KIAA0825: variants seen among roughly 807,000 people sequenced by gnomAD.
KIAA0825 encodes KIAA0825, also known as uncharacterized protein KIAA0825.
A neutral mutation model predicts 147.6 loss-of-function variants in KIAA0825; 119 were observed. That is an observed-to-expected ratio of 0.81 (90% CI 0.69 to 0.94). KIAA0825 has a LOEUF of 0.94. KIAA0825 is among the 40% of genes least tolerant of loss of function. The pLI is 0.00. For missense variants in KIAA0825, 1,381 were observed against 1,472.7 expected (o/e 0.94, Z 1.02); for synonymous variants, 470 against 518.1 (o/e 0.91, Z 1.26).
chr5:94,572,205 G>A (rs975822867), intron 2 of KIAA0825, among the ~76,000 whole-genome samples: 8 of 152,096 alleles, frequency 5.3e-5, no homozygotes, highest in Admixed American at 1.3e-4. Flanking sequence ...ACCAGGGCAC[G>A]GGCACATCAA....
intron 20 of KIAA0825, among the ~76,000 whole-genome samples, chr5:94,237,407 G>A (rs1369591081): frequency 6.6e-6 from 1 of 152,144 alleles, no homozygotes; most frequent in African/African-American, 2.4e-5. Flanking sequence ...GGCAAAGGGG[G>A]AACAACTACA....
intron 3 of KIAA0825, among the ~76,000 whole-genome samples, chr5:94,531,824 A>T (rs1770857145): frequency 6.6e-6 from 1 of 152,212 alleles, no homozygotes; most frequent in South Asian, 2.1e-4. Context: ...CTTATTATTA[A>T]ATAAGTGCCA....
rs1200159422 is a variant in KIAA0825 at position 94,151,445 on chromosome 5, A to C, written c.*2562T>G. 7.9e-5 allele frequency among the ~76,000 whole-genome samples: 12 copies of C among 151,366 alleles called. No individual in the cohort carries two copies. Among genetic ancestry groups the C allele is most frequent in the Admixed American group, 6.6e-5 (1 of 15,228 alleles). ...TCTCAAAAAAAAAAAAAAAAAAAAA[A>C]AAAAAACATATTGAGTATAAAGTCA... On this transcript the variant is annotated 3_prime_UTR_variant, in exon 21 of 21. Coordinates refer to ENST00000682413, the MANE Select transcript of KIAA0825 (RefSeq NM_001145678.3).
chr5:94,214,248 G>A (rs1442931112), intron 20 of KIAA0825, among the ~76,000 whole-genome samples: 1 of 152,064 alleles, frequency 6.6e-6, no homozygotes, highest in African/African-American at 2.4e-5. Flanking sequence ...TGCAATTAGT[G>A]TGCTGCATGG....
chr5:94,416,029 T>G (rs1296254505), intron 15 of KIAA0825: 1 of 152,144 alleles, frequency 6.6e-6, no homozygotes, highest in Non-Finnish European at 1.5e-5. Flanking sequence ...TCGTTTTTCT[T>G]TCAATTCAAT....
At chr5:94,155,711 C>T (rs1484819534) in intron 20 of KIAA0825, among the ~76,000 whole-genome samples, 2 of 152,158 alleles carry the variant, frequency 1.3e-5, no homozygotes, top group South Asian at 4.1e-4. Flanking sequence ...CATTTCCTAG[C>T]CTCAAACTTG....
chr5:94,326,352 TA>T (rs1313172559), intron 20 of KIAA0825, among the ~76,000 whole-genome samples: 1 of 152,060 alleles, frequency 6.6e-6, no homozygotes, highest in Non-Finnish European at 1.5e-5. Flanking sequence ...ACTTAGGAGG[TA>T]GGGGGAGTTA....
intron 20 of KIAA0825, among the ~76,000 whole-genome samples, chr5:94,341,602 G>C (rs537858166): frequency 6.6e-6 from 1 of 152,270 alleles, no homozygotes; most frequent in African/African-American, 2.4e-5. Context: ...CTGAAGATGT[G>C]TTAGCATTTT....
At chr5:94,360,928 T>G (rs1417033545) in intron 20 of KIAA0825, among the ~76,000 whole-genome samples, 1 of 152,184 alleles carries the variant, frequency 6.6e-6, no homozygotes, top group Non-Finnish European at 1.5e-5. Flanking sequence ...AACCCTCTCT[T>G]GGGGTCTGGA....
intron 13 of KIAA0825, among the ~76,000 whole-genome samples, chr5:94,445,842 C>T (rs1384012530): frequency 6.6e-6 from 1 of 152,124 alleles, no homozygotes; most frequent in Non-Finnish European, 1.5e-5. Context: ...ACTGCTTGTC[C>T]ATCCACACTC....
chr5:94,579,450 C>T (rs1781678426), intron 2 of KIAA0825, among the ~76,000 whole-genome samples: 1 of 152,166 alleles, frequency 6.6e-6, no homozygotes, highest in Non-Finnish European at 1.5e-5. Context: ...TATTGTATCC[C>T]ATTAGAAAGC....
At chr5:94,468,537 CTGTT>C (rs1241532756) in intron 10 of KIAA0825, among the ~76,000 whole-genome samples, 1 of 152,278 alleles carries the variant, frequency 6.6e-6, no homozygotes, top group African/African-American at 2.4e-5. Flanking sequence ...GCTTCCATGA[CTGTT>C]TGAAGTATGT....
At chr5:94,503,515 T>C (rs1388387678) in intron 5 of KIAA0825, among the ~76,000 whole-genome samples, 1 of 152,150 alleles carries the variant, frequency 6.6e-6, no homozygotes, top group Non-Finnish European at 1.5e-5. Flanking sequence ...GCTGTCTTCT[T>C]TGACTGAGAC....
At chr5:94,508,720 C>T (rs917319684) in intron 5 of KIAA0825, among the ~76,000 whole-genome samples, 7 of 152,074 alleles carry the variant, frequency 4.6e-5, no homozygotes, top group African/African-American at 1.7e-4. Context: ...AGCACATTTC[C>T]CCTATGGATT....
rs1474362445 is a variant in KIAA0825 at position 94,403,635 on chromosome 5, GCAAA to G, written c.2817_2820del (p.Leu941ArgfsTer34). Reference sequence around the variant, plus strand: ...TTCCATTCCTTTGGCATGCTCTCAAGCAAACAATCAGGAACAATGTGCTTGTTTA... The same window carrying G: ...TTCCATTCCTTTGGCATGCTCTCAAGCAATCAGGAACAATGTGCTTGTTTA... On this transcript the variant is annotated frameshift_variant, in exon 16 of 21. Transcript: ENST00000682413. LOFTEE classifies it high-confidence loss of function. The G allele has an allele frequency of 6.4e-7, 1 of 1,551,384 alleles. No homozygotes were observed. Among genetic ancestry groups the G allele is most frequent in the Non-Finnish European group, 8.7e-7 (1 of 1,146,892 alleles).
chr5:94,472,031 C>T (rs1256227506), intron 8 of KIAA0825, among the ~76,000 whole-genome samples: 1 of 152,046 alleles, frequency 6.6e-6, no homozygotes, highest in Non-Finnish European at 1.5e-5. Flanking sequence ...GTTAGTAGGA[C>T]TCAGAAAATA....
chr5:94,199,676 T>C (rs1486976928), intron 20 of KIAA0825, among the ~76,000 whole-genome samples: 1 of 152,120 alleles, frequency 6.6e-6, no homozygotes, highest in African/African-American at 2.4e-5. Context: ...CATGCATGCA[T>C]ACCAGTGTGG....
chr5:94,253,891 G>A (rs1776104768), intron 20 of KIAA0825, among the ~76,000 whole-genome samples: 2 of 152,114 alleles, frequency 1.3e-5, no homozygotes, highest in African/African-American at 4.8e-5. Flanking sequence ...ACTTAGGACT[G>A]TTTTCTGTAG....
At chr5:94,372,812 G>C (rs1035742763) in intron 20 of KIAA0825, among the ~76,000 whole-genome samples, 2 of 152,314 alleles carry the variant, frequency 1.3e-5, no homozygotes, top group East Asian at 3.9e-4. Context: ...AGAAAATGGG[G>C]TTTTCTTTTC....
Sources: allele counts gnomAD v4.1 joint callset (sites outside exome capture counted in the v4.1 genomes callset), GRCh38; gene constraint gnomAD v4.1.1; transcripts MANE v1.5; gene names NCBI Gene and HGNC (gene_info 2026-07-23, HGNC 2026-07-21).